The following BRD7 variants were observed in gnomAD, a reference collection of about 807,000 sequenced individuals.
BRD7 encodes bromodomain containing 7, also known as bromodomain-containing protein 7.
In BRD7, 15 loss-of-function variants were observed where a neutral mutation model predicts 82.1. That is an observed-to-expected ratio of 0.18 (90% CI 0.12 to 0.28). The LOEUF (loss-of-function observed/expected upper bound fraction) is 0.28. Ranked by LOEUF, BRD7 falls within the 10% of genes least tolerant of loss-of-function variation. BRD7 has a pLI of 1.00. For missense variants in BRD7, 638 were observed against 779.9 expected, an observed-to-expected ratio of 0.82 and a Z score of 2.17; for synonymous variants, 232 against 266.9, an observed-to-expected ratio of 0.87 and a Z score of 1.27.
At chr16:50,323,006 G>A (rs1322133449) in intron 12 of BRD7, among the ~76,000 whole-genome samples, 1 of 152,084 alleles carries the variant, frequency 6.6e-6, no homozygotes, top group African/African-American at 2.4e-5. Flanking sequence ...AAAAGACACA[G>A]GGTTCCTCTA....
chr16:50,327,267 ATTTGATTAGG>A (rs1433937755), intron 9 of BRD7, among the ~76,000 whole-genome samples: 4 of 152,188 alleles, frequency 2.6e-5, no homozygotes. Flanking sequence ...CTTTGGCCAC[ATTTGATTAGG>A]TCTCAGAAAC....
In BRD7 at chr16:50,354,900, C is replaced by A. The variant is rs756060695; in HGVS notation, c.281G>T (p.Arg94Leu). The A allele has an allele frequency of 6.2e-7, 1 of 1,613,802 alleles. No individual in the cohort carries two copies. The highest frequency in any genetic ancestry group is 1.3e-5 in the African/African-American group (1 of 74,896). ...TTCTGCCTCATTCTCCACCCGGTCT[C>A]GATCTCGCTTCTTTTTATCCTCCTA... ...RVKEDKKKRD[R>L]DRVENEAEKD... Residue 94 changes from arginine (R) to leucine (L), a missense_variant, in exon 3 of 17, where the codon CGA becomes CTA. By Grantham distance (102) the Arg-to-Leu change is moderately radical. Coordinates refer to ENST00000394688, the MANE Select transcript of BRD7 (RefSeq NM_013263.5).
Position 50,321,862 on chromosome 16 carries a change from C to T in BRD7, c.1500+120G>A, listed in dbSNP as rs992353659. 2.3e-4 allele frequency: 199 copies of T among 874,146 alleles called. 1 individual carries two copies. The East Asian group carries it at 5.1e-3, about 22-fold the overall frequency. The allele number at this position is 874,146 out of a possible 1,614,324, so 54.1% of individuals were successfully genotyped here. The stretch of plus-strand genomic sequence containing the variant: ...TGGTTTGCCATTTCAGCTAGGCCCT[C>T]ACAACTCTACTCACTAACCTTTTTC... On this transcript the variant is annotated intron_variant, in intron 13 of 16. Transcript: ENST00000394688.
chr16:50,320,510 G>C (rs2037052324), intron 14 of BRD7, 119 bp from the exon 15 acceptor site: 2 of 1,471,436 alleles, frequency 1.4e-6, no homozygotes, highest in Admixed American at 1.8e-5. Flanking sequence ...TAATCCGCTT[G>C]AAATGACATC....
At chr16:50,358,211 A>G (rs541684829) in intron 2 of BRD7, among the ~76,000 whole-genome samples, 3 of 152,300 alleles carry the variant, frequency 2.0e-5, no homozygotes, top group South Asian at 2.1e-4. Flanking sequence ...CTATGCTCTA[A>G]GAGTCCAGCT....
At chr16:50,343,905 AAG>A (rs2038175577) in intron 5 of BRD7, among the ~76,000 whole-genome samples, 1 of 152,146 alleles carries the variant, frequency 6.6e-6, no homozygotes, top group Non-Finnish European at 1.5e-5. Context: ...GACAGCTTTG[AAG>A]AGAGTAGTGG....
At chr16:50,340,516 T>G (rs866177298) in intron 5 of BRD7, among the ~76,000 whole-genome samples, 2 of 152,246 alleles carry the variant, frequency 1.3e-5, no homozygotes, top group African/African-American at 4.8e-5. Context: ...ATTTAGGAAT[T>G]GAACATTTTA....
chr16:50,356,642 C>A (rs1291333714), intron 2 of BRD7, among the ~76,000 whole-genome samples: 1 of 151,778 alleles, frequency 6.6e-6, no homozygotes, highest in East Asian at 1.9e-4. Context: ...GTGGTTCTAT[C>A]AGAAGGAAAG....
chr16:50,319,071 A>C lies in BRD7; in HGVS notation c.*140T>G. On this transcript the variant is annotated 3_prime_UTR_variant, in exon 17 of 17. Coordinates refer to ENST00000394688, the MANE Select transcript of BRD7 (RefSeq NM_013263.5). ...CAGCTTTATTACCTAATACAAGTCC[A>C]ACCTCTGGAACATCCAAATTCGCTG... 1 of 814,106 alleles carries C rather than the reference A, an allele frequency of 1.2e-6. No homozygotes were observed. Among genetic ancestry groups the C allele is most frequent in the Non-Finnish European group, 1.9e-6 (1 of 519,764 alleles). 50.4% of individuals were successfully genotyped at this position (814,106 alleles called of 1,614,324 possible). A position where few individuals can be genotyped will look rare whatever the true frequency, so the allele number is the denominator to read the frequency against.
chr16:50,322,713 A>G (rs2037171333), intron 12 of BRD7, among the ~76,000 whole-genome samples: 1 of 152,262 alleles, frequency 6.6e-6, no homozygotes, highest in Non-Finnish European at 1.5e-5. Flanking sequence ...TGCCATATTC[A>G]CCAAATGAAA....
At chr16:50,329,689 C>T (rs2037479588) in intron 8 of BRD7, among the ~76,000 whole-genome samples, 1 of 152,084 alleles carries the variant, frequency 6.6e-6, no homozygotes, top group Admixed American at 6.5e-5. Flanking sequence ...GGAAGGGCAG[C>T]CGGCAGCCAC....
chr16:50,350,345 A>C (rs948626880), intron 4 of BRD7, among the ~76,000 whole-genome samples, 178 bp from the exon 5 acceptor site: 5 of 152,220 alleles, frequency 3.3e-5, no homozygotes, highest in African/African-American at 1.2e-4. Flanking sequence ...TTTCATAACA[A>C]GGAAGTTTTA....
chr16:50,343,219 C>T (rs139063606), intron 5 of BRD7, among the ~76,000 whole-genome samples: 2,411 of 152,286 alleles, frequency 0.016, 56 homozygotes, highest in African/African-American at 0.054. Context: ...ATTGTAATCC[C>T]CAATGTTGGG....
intron 11 of BRD7, among the ~76,000 whole-genome samples, chr16:50,324,368 T>TC (rs1196224463): frequency 1.3e-5 from 2 of 152,140 alleles, no homozygotes; most frequent in African/African-American, 4.8e-5. Flanking sequence ...CAGTCTATTC[T>TC]CCAAGAGTAG....
intron 1 of BRD7, 147 bp from the exon 2 acceptor site, chr16:50,368,445 G>A: frequency 8.5e-6 from 8 of 936,278 alleles, no homozygotes; most frequent in Non-Finnish European, 1.2e-5. Flanking sequence ...GACGGACCCC[G>A]GCCCGGGGGT....
Position 50,323,615 on chromosome 16 carries a change from T to C in BRD7, c.1415A>G (p.His472Arg), listed in dbSNP as rs781074810. 1.2e-6 allele frequency: 2 copies of C among 1,613,614 alleles called. No individual in the cohort carries two copies. The highest frequency in any genetic ancestry group is 1.3e-5 in the African/African-American group (1 of 74,934). ...SLLDVLTKGG[H>R]SRTLQEMEMS... Reference sequence around the variant, plus strand: ...CTCCATCTCTTGTAGGGTCCTGGAATGCCCTCCTTTTGTTAAAACATCCAG... The same window carrying C: ...CTCCATCTCTTGTAGGGTCCTGGAACGCCCTCCTTTTGTTAAAACATCCAG... Residue 472 changes from histidine (H) to arginine (R), a missense_variant, in exon 12 of 17, where the codon CAT (histidine) becomes CGT (arginine). By Grantham distance (29) the His-to-Arg change is conservative. Coordinates refer to ENST00000394688, the MANE Select transcript of BRD7 (RefSeq NM_013263.5).
intron 5 of BRD7, chr16:50,349,019 A>G (rs1364545721): frequency 1.3e-5 from 2 of 152,832 alleles, no homozygotes; most frequent in African/African-American, 2.4e-5. Context: ...ATGTCCAACG[A>G]TGATAGACTG....
At chr16:50,344,270 TCAAAGAC>T (rs572582261) in intron 5 of BRD7, among the ~76,000 whole-genome samples, 1 of 152,222 alleles carries the variant, frequency 6.6e-6, no homozygotes, top group Admixed American at 6.5e-5. Flanking sequence ...GTCACCATCA[TCAAAGAC>T]CAAAGGTACA....
intron 5 of BRD7, among the ~76,000 whole-genome samples, chr16:50,347,816 G>A (rs907557765): frequency 1.7e-4 from 26 of 152,262 alleles, no homozygotes; most frequent in South Asian, 4.1e-4. Flanking sequence ...AATCAATATC[G>A]TGAAAATGGC....
Sources: allele counts gnomAD v4.1 joint callset (sites outside exome capture counted in the v4.1 genomes callset), GRCh38; gene constraint gnomAD v4.1.1; transcripts MANE v1.5; gene names NCBI Gene and HGNC (gene_info 2026-07-23, HGNC 2026-07-21).